The following GNB1 variants were observed in gnomAD, a reference collection of about 807,000 sequenced individuals.
The protein encoded by GNB1 is guanine nucleotide-binding protein G(I)/G(S)/G(T) subunit beta-1.
In GNB1, 2 loss-of-function variants were observed where a neutral mutation model predicts 42.9. The observed-to-expected ratio is 0.05, with a 90% CI of 0.02 to 0.15. The LOEUF is 0.15. Among genes scored for constraint, GNB1 ranks in the 10% least tolerant of loss-of-function variants. The probability of loss-of-function intolerance (pLI) is 1.00; values close to 1 mark genes in which losing one functional copy is unlikely to be tolerated. For missense variants in GNB1, 193 were observed against 462.2 expected (o/e 0.42, Z 5.34); for synonymous variants, 183 against 174.7 (o/e 1.05, Z -0.38).
At chr1:1,865,738 T>G (rs143398677) in intron 1 of GNB1, among the ~76,000 whole-genome samples, 1 of 152,348 alleles carries the variant, frequency 6.6e-6, no homozygotes, top group East Asian at 1.9e-4. Flanking sequence ...ATTCCTGTAA[T>G]GTGCTCATTT....
At chr1:1,868,820 A>C (rs1029416371) in intron 1 of GNB1, among the ~76,000 whole-genome samples, 1 of 151,904 alleles carries the variant, frequency 6.6e-6, no homozygotes, top group Non-Finnish European at 1.5e-5. Flanking sequence ...CCTAACAATC[A>C]TGAAACAAAT....
At chr1:1,828,941 C>A (rs924395146) in intron 2 of GNB1, among the ~76,000 whole-genome samples, 1 of 152,042 alleles carries the variant, frequency 6.6e-6, no homozygotes, top group Non-Finnish European at 1.5e-5. Flanking sequence ...AAATAAATTT[C>A]CTGGTCAGGC....
intron 5 of GNB1, among the ~76,000 whole-genome samples, chr1:1,813,688 G>A (rs1034708129): frequency 1.3e-5 from 2 of 151,850 alleles, no homozygotes; most frequent in African/African-American, 4.8e-5. Flanking sequence ...AAGGGGTCTC[G>A]CCATGTGACC....
intron 2 of GNB1, among the ~76,000 whole-genome samples, chr1:1,834,340 A>G (rs1647116108): frequency 6.6e-6 from 1 of 152,130 alleles, no homozygotes; most frequent in Admixed American, 6.5e-5. Context: ...ATTATTTCTC[A>G]TGCATCACAA....
At position 1,873,796 on chromosome 1, in the gene GNB1, C is replaced by T. The variant is rs145882682; in HGVS notation, c.-96+17024G>A. On this transcript the variant is annotated intron_variant, in intron 1 of 11. Coordinates refer to ENST00000378609, the MANE Select transcript of GNB1 (RefSeq NM_002074.5). ...TGGTGCCACTGCACTCCAGCCTGGG[C>T]GACAGAGCAAGACTCCATCTTAAAT... Among the ~76,000 whole-genome samples the T allele has an allele frequency of 3.1e-3, 464 of 151,980 alleles. 2 individuals carry two copies. Among genetic ancestry groups the T allele is most frequent in the African/African-American group, 0.011 (444 of 41,438 alleles).
chr1:1,887,238 G>A (rs918740409), intron 1 of GNB1, among the ~76,000 whole-genome samples: 3 of 152,076 alleles, frequency 2.0e-5, no homozygotes, highest in Non-Finnish European at 4.4e-5. Flanking sequence ...GAAAAACAAC[G>A]ACAAAACTAT....
intron 1 of GNB1, among the ~76,000 whole-genome samples, chr1:1,880,078 C>T (rs892937913): frequency 1.3e-5 from 2 of 151,664 alleles, no homozygotes; most frequent in African/African-American, 2.4e-5. Context: ...ACCACAGGCA[C>T]GCACCACCAT....
At chr1:1,888,796 G>C (rs1650303034) in intron 1 of GNB1, among the ~76,000 whole-genome samples, 1 of 152,090 alleles carries the variant, frequency 6.6e-6, no homozygotes, top group South Asian at 2.1e-4. Context: ...CCGAGATCGC[G>C]CCACTGCACT....
intron 1 of GNB1, among the ~76,000 whole-genome samples, chr1:1,842,328 G>C (rs1647275569): frequency 1.3e-5 from 2 of 152,200 alleles, no homozygotes; most frequent in African/African-American, 4.8e-5. Context: ...TACTCTGGAG[G>C]CTGAGGCAGG....
Position 1,787,571 on chromosome 1 carries a change from G to C in GNB1, c.917-134C>G. The C allele has an allele frequency of 1.7e-6, 1 of 573,414 alleles. No homozygotes were observed. The highest frequency in any genetic ancestry group is 3.1e-6 in the Non-Finnish European group (1 of 324,764). 35.5% of individuals were successfully genotyped at this position (573,414 alleles called of 1,614,324 possible). On this transcript the variant is annotated intron_variant, in intron 10 of 11. Transcript: ENST00000378609. This position sits in a 1 kb window ranked among gnomAD's most constrained non-coding sequence, Gnocchi z 4.4. ...AGAGTCTCCCACGGCCAGGAAGGGA[G>C]GGAAAGTTGCATCCACGTGGGGAAT...
chr1:1,870,378 T>C (rs938415423), intron 1 of GNB1, among the ~76,000 whole-genome samples: 16 of 151,952 alleles, frequency 1.1e-4, no homozygotes, highest in Non-Finnish European at 2.1e-4. Flanking sequence ...CTCACTACAT[T>C]GTGCCCAGGC....
At chr1:1,808,792 T>G (rs1488429231) in intron 5 of GNB1, among the ~76,000 whole-genome samples, 1 of 152,104 alleles carries the variant, frequency 6.6e-6, no homozygotes, top group Non-Finnish European at 1.5e-5. Flanking sequence ...TACAGGTACG[T>G]GCCACCACAC....
At chr1:1,793,096 T>C (rs1646503161) in intron 8 of GNB1, 149 bp downstream of exon 8, 1 of 483,844 alleles carries the variant, frequency 2.1e-6, no homozygotes, top group African/African-American at 2.0e-5. Flanking sequence ...AATTCACACA[T>C]TGCTACTATG....
chr1:1,833,932 T>A (rs906271996), intron 2 of GNB1, among the ~76,000 whole-genome samples: 2 of 152,134 alleles, frequency 1.3e-5, no homozygotes, highest in African/African-American at 4.8e-5. Context: ...ACATGTTCAA[T>A]GACCCCACAG....
chr1:1,889,640 AC>A (rs1650358560), intron 1 of GNB1, among the ~76,000 whole-genome samples: 4 of 150,202 alleles, frequency 2.7e-5, no homozygotes, highest in East Asian at 1.9e-4. Context: ...GATCTCTTTT[AC>A]AAAGAGATCC....
intron 4 of GNB1, among the ~76,000 whole-genome samples, chr1:1,817,453 G>A (rs538443408): frequency 1.3e-5 from 2 of 152,306 alleles, no homozygotes; most frequent in South Asian, 2.1e-4. Flanking sequence ...TATATTTAAT[G>A]GCAGAACTGC....
chr1:1,811,589 G>A (rs1263876366), intron 5 of GNB1, among the ~76,000 whole-genome samples: 3 of 151,624 alleles, frequency 2.0e-5, no homozygotes, highest in South Asian at 4.2e-4. Flanking sequence ...CCAGCTACTC[G>A]GGAGGCTGAG....
intron 2 of GNB1, among the ~76,000 whole-genome samples, chr1:1,838,297 G>A (rs1242020281): frequency 6.6e-6 from 1 of 152,106 alleles, no homozygotes; most frequent in Non-Finnish European, 1.5e-5. Context: ...ACTTCAAAGA[G>A]TTGCAAGAAT....
In GNB1 at chr1:1,787,477, G is replaced by A. The variant is rs1321644463; in HGVS notation, c.917-40C>T. 1.7e-6 allele frequency: 2 copies of A among 1,208,686 alleles called. No homozygotes were observed. Among genetic ancestry groups the A allele is most frequent in the Admixed American group, 1.7e-5 (1 of 58,766 alleles). 74.9% of individuals were successfully genotyped at this position (1,208,686 alleles called of 1,614,324 possible). On this transcript the variant is annotated intron_variant, in intron 10 of 11. Transcript: ENST00000378609. The surrounding 1 kb of genome is among the most constrained non-coding windows in gnomAD (Gnocchi z 4.4). ...CAGCAGAATCACACCAAAGCCCAGA[G>A]GCATCGATCTCACCTGTGTGCCATG...
Sources: allele counts gnomAD v4.1 joint callset (sites outside exome capture counted in the v4.1 genomes callset), GRCh38; gene constraint gnomAD v4.1.1; non-coding constraint Gnocchi (gnomAD v3.1); transcripts MANE v1.5; gene names NCBI Gene and HGNC (gene_info 2026-07-23, HGNC 2026-07-21).